CNOT6: variants seen among roughly 807,000 people sequenced by gnomAD.
The protein encoded by CNOT6 is CCR4-NOT transcription complex subunit 6, also known as carbon catabolite repression 4 protein.
A neutral mutation model predicts 61.2 loss-of-function variants in CNOT6; 12 were observed. The observed-to-expected ratio is 0.20, with a 90% CI of 0.13 to 0.32. The LOEUF (loss-of-function observed/expected upper bound fraction) is 0.32. Ranked by LOEUF, CNOT6 falls within the 10% of genes least tolerant of loss-of-function variation. The pLI is 1.00. For synonymous variants in CNOT6, 225 were observed against 240.6 expected, an observed-to-expected ratio of 0.94 and a Z score of 0.60; for missense variants, 405 against 663.9, an observed-to-expected ratio of 0.61 and a Z score of 4.28.
At chr5:180,539,395 A>G (rs1443998351) in intron 2 of CNOT6, among the ~76,000 whole-genome samples, 1 of 150,918 alleles carries the variant, frequency 6.6e-6, no homozygotes. Context: ...GCTTTTCTAA[A>G]TTTTTTGTTC....
chr5:180,560,016 T>G (rs1760087203), intron 4 of CNOT6, among the ~76,000 whole-genome samples: 1 of 151,782 alleles, frequency 6.6e-6, no homozygotes, highest in Non-Finnish European at 1.5e-5. Context: ...TGGCGCGATC[T>G]CGGCTCACTG....
intron 8 of CNOT6, 42 bp from the exon 9 acceptor site, chr5:180,567,807 T>A: frequency 1.2e-6 from 2 of 1,613,044 alleles, no homozygotes; most frequent in African/African-American, 1.3e-5. Flanking sequence ...CTCTTGGTAT[T>A]CCCAACTCTG....
chr5:180,500,107 C>T (rs747086444), intron 1 of CNOT6, among the ~76,000 whole-genome samples: 10 of 46,100 alleles, frequency 2.2e-4, no homozygotes, highest in Admixed American at 6.2e-4. Context: ...CTTTTTTTTT[C>T]CCCCCTTTTT....
intron 1 of CNOT6, among the ~76,000 whole-genome samples, chr5:180,513,251 A>G (rs985571784): frequency 5.3e-5 from 8 of 151,640 alleles, no homozygotes; most frequent in Non-Finnish European, 1.0e-4. Flanking sequence ...GTGCAGTGGC[A>G]CAATCAAGGC....
At chr5:180,528,412 G>A (rs1375225396) in intron 1 of CNOT6, among the ~76,000 whole-genome samples, 1 of 152,086 alleles carries the variant, frequency 6.6e-6, no homozygotes, top group Admixed American at 6.5e-5. Context: ...CCGGGTTCAC[G>A]CCATTCTCCT....
At chr5:180,554,405 G>T (rs1262703770) in intron 4 of CNOT6, among the ~76,000 whole-genome samples, 4 of 124,300 alleles carry the variant, frequency 3.2e-5, no homozygotes, top group Non-Finnish European at 6.7e-5. Context: ...GTGACAGAGC[G>T]AGACTCTGTC....
intron 1 of CNOT6, among the ~76,000 whole-genome samples, chr5:180,510,329 A>G (rs974854726): frequency 6.6e-6 from 1 of 151,752 alleles, no homozygotes; most frequent in Non-Finnish European, 1.5e-5. Flanking sequence ...TTAACTGGCC[A>G]ATATGTGAAG....
At chr5:180,524,370 G>C (rs1758002624) in intron 1 of CNOT6, among the ~76,000 whole-genome samples, 1 of 151,836 alleles carries the variant, frequency 6.6e-6, no homozygotes, top group African/African-American at 2.4e-5. Context: ...GCTATACTTT[G>C]TTAGACTCCC....
chr5:180,528,094 C>A (rs2127719471), intron 1 of CNOT6, among the ~76,000 whole-genome samples: 1 of 152,036 alleles, frequency 6.6e-6, no homozygotes, highest in East Asian at 1.9e-4. Context: ...GCCTGACTAT[C>A]CATTTAAAAA....
intron 10 of CNOT6, 30 bp downstream of exon 10, chr5:180,569,370 T>C: frequency 6.8e-7 from 1 of 1,461,816 alleles, no homozygotes; most frequent in Non-Finnish European, 9.5e-7. Context: ...TTATGTAGAA[T>C]ATTTTTTGAC....
intron 1 of CNOT6, among the ~76,000 whole-genome samples, chr5:180,528,585 G>A (rs557359074): frequency 1.3e-5 from 2 of 152,304 alleles, no homozygotes; most frequent in Non-Finnish European, 2.9e-5. Context: ...AAAGTGCTGG[G>A]ATTATAGGCG....
chr5:180,502,364 TAGAAGA>T (rs149170884), intron 1 of CNOT6, among the ~76,000 whole-genome samples: 54 of 152,292 alleles, frequency 3.5e-4, no homozygotes, highest in Middle Eastern at 6.8e-3. Context: ...CTTCAGTTAC[TAGAAGA>T]AGAAGATTTG....
At chr5:180,563,879 T>C (rs187003572) in intron 4 of CNOT6, among the ~76,000 whole-genome samples, 294 of 152,330 alleles carry the variant, frequency 1.9e-3, no homozygotes, top group Middle Eastern at 0.01. Flanking sequence ...TTGTTTTTGC[T>C]CTCATTTTGG....
At chr5:180,565,771 TA>T in intron 6 of CNOT6, 48 bp from the exon 7 acceptor site, 1 of 1,478,366 alleles carries the variant, frequency 6.8e-7, no homozygotes, top group East Asian at 2.3e-5. Context: ...ATTAATTATA[TA>T]TTTTTTTCTG....
rs1761056298 is a variant in CNOT6, at chr5:180,577,337, CAAT to C, written c.*3145_*3147del. 1 of 152,502 alleles carries C rather than the reference CAAT, an allele frequency of 6.6e-6. No homozygotes were observed. The highest frequency in any genetic ancestry group is 2.4e-5 in the African/African-American group (1 of 41,402). The allele number at this position is 152,502 out of a possible 1,614,324, so 9.4% of individuals were successfully genotyped here. ...AAAGCTCTTTCGAGATTCAGGTTCT[CAAT>C]AATAATATTCAAGTTTTAGAGTTTC... On this transcript the variant is annotated 3_prime_UTR_variant, in exon 12 of 12. Transcript: ENST00000261951.
chr5:180,563,925 G>A lies in CNOT6; in HGVS notation c.386-564G>A, dbSNP rs567507123. Among the ~76,000 whole-genome samples, 50 of 147,960 alleles carry A rather than the reference G, an allele frequency of 3.4e-4. 1 individual carries two copies. The highest frequency in any genetic ancestry group is 1.2e-3 in the African/African-American group (49 of 40,782). On this transcript the variant is annotated intron_variant, in intron 4 of 11. Coordinates refer to ENST00000261951, the MANE Select transcript of CNOT6 (RefSeq NM_001370472.1). Reference sequence around the variant, plus strand: ...TTATTGAATTTACAGATGGCTCATGGCCCTGGGATTTTTTCCCCCTCCTTA... The same window carrying A: ...TTATTGAATTTACAGATGGCTCATGACCCTGGGATTTTTTCCCCCTCCTTA...
intron 2 of CNOT6, among the ~76,000 whole-genome samples, chr5:180,538,713 T>TATATATATATATATATATAC (rs1345549867): frequency 2.1e-5 from 3 of 144,896 alleles, no homozygotes; most frequent in African/African-American, 7.9e-5. Flanking sequence ...TATATATATA[T>TATATATATATATATATATAC]ATACAAAAAA....
At chr5:180,558,390 G>A (rs145726908) in intron 4 of CNOT6, among the ~76,000 whole-genome samples, 9 of 152,184 alleles carry the variant, frequency 5.9e-5, no homozygotes, top group East Asian at 1.9e-4. Context: ...GACCTTGGGC[G>A]GTTAGGGCTG....
chr5:180,549,085 T>C (rs1561654292), intron 2 of CNOT6, among the ~76,000 whole-genome samples: 1 of 152,214 alleles, frequency 6.6e-6, no homozygotes, highest in South Asian at 2.1e-4. Context: ...GTGTTTTTAC[T>C]TGTTACCATA....
Sources: allele counts gnomAD v4.1 joint callset (sites outside exome capture counted in the v4.1 genomes callset), GRCh38; gene constraint gnomAD v4.1.1; transcripts MANE v1.5; gene names NCBI Gene and HGNC (gene_info 2026-07-23, HGNC 2026-07-21).